Variants in ST18 observed in about 807,000 individuals in gnomAD.
The protein encoded by ST18 is suppression of tumorigenicity 18 protein.
ST18 carries 50 observed loss-of-function variants against 110.0 expected under a neutral mutation model. The ratio of observed to expected loss-of-function variants is 0.45; its 90% CI spans 0.36 to 0.58. ST18 has a LOEUF of 0.58. Among genes scored for constraint, ST18 ranks in the 20% least tolerant of loss-of-function variants. The pLI is 0.00. For synonymous variants in ST18, 461 were observed against 452.4 expected (o/e 1.02, Z -0.24); for missense variants, 1,306 against 1,280.1 (o/e 1.02, Z -0.31).
chr8:52,345,205 T>C (rs1391593024), intron 2 of ST18, among the ~76,000 whole-genome samples: 1 of 152,196 alleles, frequency 6.6e-6, no homozygotes, highest in Non-Finnish European at 1.5e-5. Context: ...GACGTACTCA[T>C]CATAACAATA....
intron 2 of ST18, among the ~76,000 whole-genome samples, chr8:52,345,538 A>G (rs1396245755): frequency 6.6e-6 from 1 of 152,210 alleles, no homozygotes; most frequent in Non-Finnish European, 1.5e-5. Flanking sequence ...CAGTGAGTCT[A>G]AGAGTGATGG....
intron 8 of ST18, among the ~76,000 whole-genome samples, chr8:52,196,816 A>G (rs2076335015): frequency 6.6e-6 from 1 of 152,168 alleles, no homozygotes; most frequent in South Asian, 2.1e-4. Flanking sequence ...AAGGAAGCCA[A>G]CTGTCACTCA....
chr8:52,284,486 A>G (rs1354896116), intron 2 of ST18, among the ~76,000 whole-genome samples: 1 of 152,190 alleles, frequency 6.6e-6, no homozygotes, highest in Non-Finnish European at 1.5e-5. Context: ...TCCCTATGAG[A>G]GAACACAGGG....
intron 8 of ST18, among the ~76,000 whole-genome samples, chr8:52,202,793 T>A (rs908767562): frequency 6.6e-6 from 1 of 152,232 alleles, no homozygotes; most frequent in African/African-American, 2.4e-5. Flanking sequence ...AGAAGTAGCA[T>A]TAGGTGTAGG....
At chr8:52,336,560 T>C (rs1257806242) in intron 2 of ST18, among the ~76,000 whole-genome samples, 4 of 152,302 alleles carry the variant, frequency 2.6e-5, no homozygotes, top group South Asian at 2.1e-4. Flanking sequence ...AAGATGAGCA[T>C]AGCTAGCTGG....
At chr8:52,337,710 G>T (rs1812788549) in intron 2 of ST18, among the ~76,000 whole-genome samples, 1 of 152,174 alleles carries the variant, frequency 6.6e-6, no homozygotes, top group Non-Finnish European at 1.5e-5. Flanking sequence ...GATAGAGTTG[G>T]CGTTTCTCAG....
intron 8 of ST18, among the ~76,000 whole-genome samples, chr8:52,198,226 C>T (rs559953413): frequency 6.6e-6 from 1 of 152,088 alleles, no homozygotes; most frequent in Non-Finnish European, 1.5e-5. Context: ...AGGCTGGTCT[C>T]GAACTCCTGA....
intron 8 of ST18, among the ~76,000 whole-genome samples, chr8:52,209,734 C>G (rs1347653196): frequency 2.2e-5 from 3 of 136,568 alleles, no homozygotes; most frequent in African/African-American, 5.5e-5. Flanking sequence ...CGTGCCATTG[C>G]ACTCCAGCTT....
At position 52,391,839 on chromosome 8, in the gene ST18, G is replaced by A. The variant is rs143681634; in HGVS notation, c.-465+17489C>T. Among the ~76,000 whole-genome samples, 845 of 152,300 alleles carry A rather than the reference G, an allele frequency of 5.5e-3. 10 individuals are homozygous for A. The highest frequency in any genetic ancestry group is 0.031 in the Middle Eastern group (9 of 294). ...TGACCCAAGGAACCCTGGGGAAGAG[G>A]TGGGATTTGAACTATGACTTGAATA... On this transcript the variant is annotated intron_variant, in intron 2 of 25. Coordinates refer to ENST00000689386, the MANE Select transcript of ST18 (RefSeq NM_001352837.2).
chr8:52,241,833 T>G (rs942608566), intron 2 of ST18, among the ~76,000 whole-genome samples: 9 of 152,158 alleles, frequency 5.9e-5, no homozygotes, highest in African/African-American at 1.9e-4. Flanking sequence ...TGATGTGGCA[T>G]CTACCTAGGA....
Position 52,139,893 on chromosome 8 carries a change from C to T in ST18, c.2169-2410G>A, listed in dbSNP as rs115284858. Among the ~76,000 whole-genome samples, 387 of 152,064 alleles carry T rather than the reference C, an allele frequency of 2.5e-3. 1 individual carries two copies. The highest frequency in any genetic ancestry group is 8.7e-3 in the African/African-American group (362 of 41,478). On this transcript the variant is annotated intron_variant, in intron 17 of 25. Transcript: ENST00000689386. ...GAATTTTGATAGCTAGACTAAATTC[C>T]GAATCTACAGTGAAAAATTTTACAT...
At chr8:52,242,804 A>G (rs1196461780) in intron 2 of ST18, among the ~76,000 whole-genome samples, 1 of 151,858 alleles carries the variant, frequency 6.6e-6, no homozygotes, top group Non-Finnish European at 1.5e-5. Flanking sequence ...CCCTGGAGGC[A>G]GACGTTGCAG....
At chr8:52,248,031 A>C (rs2093993771) in intron 2 of ST18, among the ~76,000 whole-genome samples, 1 of 152,070 alleles carries the variant, frequency 6.6e-6, no homozygotes, top group South Asian at 2.1e-4. Context: ...AAACAAAATA[A>C]ATGTTAGGGG....
intron 2 of ST18, among the ~76,000 whole-genome samples, chr8:52,383,559 C>T (rs1041981646): frequency 2.6e-5 from 4 of 151,356 alleles, no homozygotes; most frequent in Admixed American, 2.6e-4. Flanking sequence ...ACCAATTCTC[C>T]TGCCTCAGCC....
intron 5 of ST18, among the ~76,000 whole-genome samples, chr8:52,218,779 A>G (rs1295229327): frequency 6.6e-6 from 1 of 151,988 alleles, no homozygotes; most frequent in African/African-American, 2.4e-5. Context: ...TGCTGTGCTC[A>G]TCGCCTGAGA....
At chr8:52,279,108 A>T (rs1265411938) in intron 2 of ST18, among the ~76,000 whole-genome samples, 1 of 152,194 alleles carries the variant, frequency 6.6e-6, no homozygotes, top group Non-Finnish European at 1.5e-5. Flanking sequence ...ACCCATAAAG[A>T]CTGAAAATTG....
chr8:52,121,382 T>C (rs1416802153), intron 23 of ST18, among the ~76,000 whole-genome samples: 3 of 152,218 alleles, frequency 2.0e-5, no homozygotes, highest in Non-Finnish European at 2.9e-5. Flanking sequence ...TTCTGGGATC[T>C]GGGGTGCTAT....
chr8:52,143,026 A>G lies in ST18; in HGVS notation c.2072T>C (p.Leu691Pro). 3 of 1,612,636 alleles carry G rather than the reference A, an allele frequency of 1.9e-6. No homozygotes were observed. The South Asian group carries it at 3.3e-5, about 18-fold the overall frequency. Residue 691 changes from leucine to proline, a missense_variant, in exon 17 of 26, where the codon CTA (leucine) becomes CCA (proline). By Grantham distance (98) the Leu-to-Pro change is moderately conservative (BLOSUM62 -3). Coordinates refer to ENST00000689386, the MANE Select transcript of ST18 (RefSeq NM_001352837.2). ...AAACTTTTTTTCCTCTAAATTTTCT[A>G]GAGAGCTCACTGGGTCTTTCTGGAA... Reference protein sequence around the residue: ...EEKEKDPVSSLENLEEKKFPG... With the variant: ...EEKEKDPVSSPENLEEKKFPG...
chr8:52,218,001 G>A (rs949731512), intron 5 of ST18, 100 bp from the exon 6 acceptor site: 1 of 152,036 alleles, frequency 6.6e-6, no homozygotes, highest in African/African-American at 2.4e-5. Context: ...ATGTGGGGAG[G>A]TTTTATTTCC....
Sources: gnomAD v4.1 joint callset for allele counts (sites outside exome capture counted in the v4.1 genomes callset) on GRCh38, gnomAD v4.1.1 for gene constraint, MANE v1.5 for transcripts, NCBI Gene and HGNC (gene_info 2026-07-23, HGNC 2026-07-21) for gene names.